The following EYS variants were observed in gnomAD, a reference collection of about 807,000 sequenced individuals.
The protein encoded by EYS is EGF-like photoreceptor maintenance factor, also known as protein eyes shut homolog.
Under a neutral mutation model 282.1 loss-of-function variants are expected in EYS, and 250 were observed. That is an observed-to-expected ratio of 0.89 (90% CI 0.80 to 0.98). EYS has a LOEUF of 0.98. Ranked by LOEUF, EYS falls within the 50% of genes least tolerant of loss-of-function variation. EYS has a pLI of 0.00. For missense variants in EYS, 4,016 were observed against 3,709.0 expected, an observed-to-expected ratio of 1.08 and a Z score of -2.15; for synonymous variants, 1,355 against 1,282.9, an observed-to-expected ratio of 1.06 and a Z score of -1.20.
chr6:63,948,264 A>T (rs900861245), intron 35 of EYS, among the ~76,000 whole-genome samples: 1 of 152,204 alleles, frequency 6.6e-6, no homozygotes, highest in Non-Finnish European at 1.5e-5. Context: ...GAAGATGGAT[A>T]TGCCTTTTTT....
In EYS at chr6:63,720,459, C is replaced by T. The variant is rs1271744448; in HGVS notation, c.*137G>A. On this transcript the variant is annotated 3_prime_UTR_variant, in exon 43 of 43. Transcript: ENST00000503581. ...CTTCAGTGACATTTTACAATCTTAT[C>T]AAAAAGATATGTTAGCATTTAGACT... 1 of 612,756 alleles carries T rather than the reference C, an allele frequency of 1.6e-6. No homozygotes were observed. Among genetic ancestry groups the T allele is most frequent in the South Asian group, 3.2e-5 (1 of 31,418 alleles). The allele number at this position is 612,756 out of a possible 1,614,324, so 38.0% of individuals were successfully genotyped here. A position where few individuals can be genotyped will look rare whatever the true frequency, so the allele number is the denominator to read the frequency against.
intron 29 of EYS, among the ~76,000 whole-genome samples, chr6:64,337,847 T>A (rs1029754665): frequency 7.9e-5 from 12 of 152,066 alleles, no homozygotes; most frequent in African/African-American, 2.9e-4. Context: ...ATAAATGTGA[T>A]ACACCATATA....
At chr6:64,978,779 G>A (rs924266527) in intron 14 of EYS, among the ~76,000 whole-genome samples, 5 of 151,858 alleles carry the variant, frequency 3.3e-5, no homozygotes, top group African/African-American at 1.2e-4. Flanking sequence ...AGACTTTGAG[G>A]GATTCAATAC....
At chr6:64,894,430 T>C (rs1767389577) in intron 18 of EYS, among the ~76,000 whole-genome samples, 1 of 152,108 alleles carries the variant, frequency 6.6e-6, no homozygotes, top group African/African-American at 2.4e-5. Context: ...GGCTAACTGA[T>C]GACGGGGTTT....
chr6:63,780,275 G>A (rs940350380), intron 39 of EYS, among the ~76,000 whole-genome samples: 15 of 152,160 alleles, frequency 9.9e-5, no homozygotes, highest in Non-Finnish European at 1.8e-4. Context: ...TAATGGGATC[G>A]CTGGGTCAAA....
chr6:65,655,869 A>T (rs1276720453), intron 1 of EYS, among the ~76,000 whole-genome samples: 1 of 151,866 alleles, frequency 6.6e-6, no homozygotes, highest in Non-Finnish European at 1.5e-5. Flanking sequence ...ATATTACATA[A>T]AGTTAGTTGA....
intron 35 of EYS, among the ~76,000 whole-genome samples, chr6:63,953,188 G>A (rs1375092934): frequency 6.6e-6 from 1 of 152,038 alleles, no homozygotes; most frequent in African/African-American, 2.4e-5. Flanking sequence ...GCTTTTACCT[G>A]GACTGACCCT....
chr6:65,402,376 A>C (rs1766541040), intron 7 of EYS, 102 bp downstream of exon 7: 2 of 829,080 alleles, frequency 2.4e-6, no homozygotes, highest in Admixed American at 4.3e-5. Flanking sequence ...TATACCATTA[A>C]GTAAAAGTTA....
At chr6:65,238,399 T>C (rs1440453401) in intron 12 of EYS, among the ~76,000 whole-genome samples, 1 of 151,816 alleles carries the variant, frequency 6.6e-6, no homozygotes, top group Non-Finnish European at 1.5e-5. Context: ...ATCATGATTA[T>C]ATTGAAAAGT....
intron 29 of EYS, among the ~76,000 whole-genome samples, chr6:64,364,243 G>T (rs1162882214): frequency 6.6e-6 from 1 of 151,742 alleles, no homozygotes; most frequent in Non-Finnish European, 1.5e-5. Context: ...GGCTGACTTT[G>T]GTTCTTCTGT....
In EYS at chr6:63,984,389, C is replaced by T; in HGVS notation, c.7049G>A (p.Cys2350Tyr). The T allele has an allele frequency of 6.5e-7, 1 of 1,546,158 alleles. No individual in the cohort carries two copies. ...TCAGGAGACTAATACTGACCTGATG[C>T]AGGTGCCATTGTTGCGGCACAGATG... The part of the protein sequence containing the change: ...AHHLCRNNGT[C>Y]ISDNENLFCE... Residue 2350 changes from cysteine (C) to tyrosine (Y), a missense_variant, in exon 35 of 43, where the codon TGC becomes TAC. Physicochemically the swap from Cys to Tyr is radical, Grantham distance 194. Transcript: ENST00000503581.
intron 1 of EYS, among the ~76,000 whole-genome samples, chr6:65,660,656 T>TA (rs1767974559): frequency 6.6e-6 from 1 of 151,728 alleles, no homozygotes; most frequent in African/African-American, 2.4e-5. Context: ...CAATTATATA[T>TA]TTTTAGTACC....
At chr6:65,021,703 C>A (rs563068973) in intron 13 of EYS, among the ~76,000 whole-genome samples, 30 of 152,186 alleles carry the variant, frequency 2.0e-4, no homozygotes, top group Non-Finnish European at 3.8e-4. Flanking sequence ...TGTACTAGTA[C>A]ATTCTCATCA....
At chr6:65,527,768 T>C (rs1303167054) in intron 2 of EYS, among the ~76,000 whole-genome samples, 1 of 152,184 alleles carries the variant, frequency 6.6e-6, no homozygotes, top group African/African-American at 2.4e-5. Context: ...CATTCATCCA[T>C]AGTAGACATG....
chr6:65,693,404 C>CTTTTT (rs66464915), intron 1 of EYS, among the ~76,000 whole-genome samples: 4 of 125,282 alleles, frequency 3.2e-5, no homozygotes, highest in Admixed American at 8.5e-5. Context: ...TTTTTCCTTT[C>CTTTTT]TTTTTTTTTT....
In EYS at chr6:65,214,215, A is replaced by C. The variant is rs943587894; in HGVS notation, c.2023+81648T>G. On this transcript the variant is annotated intron_variant, in intron 12 of 42. Coordinates refer to ENST00000503581, the MANE Select transcript of EYS (RefSeq NM_001142800.2). ...CAAGCAAGCTGATATAGGCTGAAAA[A>C]GTTAGGCCTCTTGTACCAAGCAGCC... Among the ~76,000 whole-genome samples, 9 of 148,942 alleles carry C rather than the reference A, an allele frequency of 6.0e-5. 1 individual carries two copies. The highest frequency in any genetic ancestry group is 2.2e-4 in the African/African-American group (9 of 40,892).
chr6:65,639,369 A>T (rs1042798299), intron 2 of EYS, among the ~76,000 whole-genome samples: 1 of 152,244 alleles, frequency 6.6e-6, no homozygotes, highest in Non-Finnish European at 1.5e-5. Context: ...TAGAAGAATA[A>T]AAACCTGTAT....
chr6:64,743,431 G>C (rs1772441931), intron 22 of EYS, among the ~76,000 whole-genome samples: 1 of 151,900 alleles, frequency 6.6e-6, no homozygotes, highest in Admixed American at 6.6e-5. Context: ...AAATTTTATT[G>C]GTTATAGAAA....
intron 12 of EYS, among the ~76,000 whole-genome samples, chr6:65,179,545 C>T (rs1214222391): frequency 6.6e-6 from 1 of 152,064 alleles, no homozygotes; most frequent in Non-Finnish European, 1.5e-5. Flanking sequence ...TGATAACAGG[C>T]TCTGAAATTG....
Sources: allele counts gnomAD v4.1 joint callset (sites outside exome capture counted in the v4.1 genomes callset), GRCh38; gene constraint gnomAD v4.1.1; transcripts MANE v1.5; gene names NCBI Gene and HGNC (gene_info 2026-07-23, HGNC 2026-07-21).